The following SHC2 variants were observed in gnomAD, a reference collection of about 807,000 sequenced individuals.
SHC2 encodes the protein SHC adaptor protein 2.
In SHC2, 62 loss-of-function variants were observed where a neutral mutation model predicts 60.6. The ratio of observed to expected loss-of-function variants is 1.02; its 90% CI spans 0.83 to 1.26. The LOEUF (loss-of-function observed/expected upper bound fraction) is 1.26. Ranked by LOEUF, SHC2 falls within the 50% of genes most tolerant of loss-of-function variation. The pLI is 0.00. For missense variants in SHC2, 873 were observed against 822.2 expected (o/e 1.06, Z -0.76); for synonymous variants, 375 against 372.4 (o/e 1.01, Z -0.08).
intron 1 of SHC2, among the ~76,000 whole-genome samples, chr19:447,198 C>T (rs989802593): frequency 8.5e-5 from 13 of 152,062 alleles, no homozygotes; most frequent in East Asian, 3.9e-4. Context: ...ACCGTGAGGA[C>T]GCCGGACAGG....
chr19:458,063 G>A (rs1245759042), intron 1 of SHC2, among the ~76,000 whole-genome samples: 5 of 137,808 alleles, frequency 3.6e-5, no homozygotes, highest in South Asian at 2.2e-4. Flanking sequence ...GGGTCTTGGG[G>A]AGGCGGAAGC....
intron 12 of SHC2, among the ~76,000 whole-genome samples, chr19:417,803 C>T (rs1974186930): frequency 1.3e-5 from 2 of 152,146 alleles, no homozygotes; most frequent in African/African-American, 4.8e-5. Context: ...CCTCTGCCTG[C>T]AGCCCGAGGC....
rs1386481028 is a variant in SHC2, at chr19:453,914, C to A, written c.468+6615G>T. On this transcript the variant is annotated intron_variant, in intron 1 of 12. Coordinates refer to ENST00000264554, the MANE Select transcript of SHC2 (RefSeq NM_012435.3). This position sits in a 1 kb window ranked among gnomAD's most constrained non-coding sequence, Gnocchi z 6.3. ...GAGCAGGACGGCCTGACTCACGGGA[C>A]TTCTGTGTATGGACGAGCCCAGCGC... 2.0e-5 allele frequency among the ~76,000 whole-genome samples: 3 copies of A among 152,194 alleles called. No individual in the cohort carries two copies. The highest frequency in any genetic ancestry group is 1.3e-4 in the Admixed American group (2 of 15,274).
intron 1 of SHC2, among the ~76,000 whole-genome samples, chr19:458,820 TGGGGAGGCGGAAGAGGGTTCC>T (rs1224344091): frequency 9.4e-6 from 1 of 106,226 alleles, no homozygotes; most frequent in Non-Finnish European, 2.0e-5. Flanking sequence ...AAGCGGGTCT[TGGGGAGGCGGAAGAGGGTTCC>T]GGGGAGGCGG....
chr19:437,841 G>A (rs1004669179), intron 4 of SHC2, among the ~76,000 whole-genome samples: 2 of 151,756 alleles, frequency 1.3e-5, no homozygotes, highest in Admixed American at 1.3e-4. Flanking sequence ...CCACACCTGA[G>A]ATTCCCCTCC....
intron 1 of SHC2, among the ~76,000 whole-genome samples, chr19:449,177 AAAAT>A (rs1568296080): frequency 6.6e-6 from 1 of 151,510 alleles, no homozygotes; most frequent in Non-Finnish European, 1.5e-5. Context: ...CTAAAAAATT[AAAAT>A]AAATAAAATA....
Position 460,723 on chromosome 19 carries a change from G to T in SHC2, c.274C>A (p.Pro92Thr). The T allele has an allele frequency of 1.0e-6, 1 of 986,376 alleles. No individual in the cohort carries two copies. The highest frequency in any genetic ancestry group is 4.6e-5 in the South Asian group (1 of 21,910). 61.1% of individuals were successfully genotyped at this position (986,376 alleles called of 1,614,324 possible). ...CGACAGCGGCTGAGCGCGGGCAGGG[G>T]ACAGGGCGCGGCGCAGCGGGGCTCG... ...ACEPRCAAPC[P>T]LPALSRCRGA... Residue 92 changes from proline (P) to threonine (T), a missense_variant, in exon 1 of 13, where the codon CCC (proline) becomes ACC (threonine). Physicochemically the swap from Pro to Thr is conservative, Grantham distance 38. Transcript: ENST00000264554.
At position 424,384 on chromosome 19, in the gene SHC2, C is replaced by T. The variant is rs1377459857; in HGVS notation, c.1309+713G>A. 2.0e-5 allele frequency among the ~76,000 whole-genome samples: 3 copies of T among 151,946 alleles called. No individual in the cohort carries two copies. Among genetic ancestry groups the T allele is most frequent in the Admixed American group, 6.5e-5 (1 of 15,272 alleles). On this transcript the variant is annotated intron_variant, in intron 10 of 12. Transcript: ENST00000264554. The surrounding 1 kb of genome is among the most constrained non-coding windows in gnomAD (Gnocchi z 4.5). ...GGAAGCTGTGCCTCCCCCATCAGGCCGGGATTTCCGTAGGAAGAATCCTCA... is the reference window on the plus strand; with the variant it reads ...GGAAGCTGTGCCTCCCCCATCAGGCTGGGATTTCCGTAGGAAGAATCCTCA...
In SHC2 at chr19:438,830, T is replaced by C. The variant is rs140148508; in HGVS notation, c.608A>G (p.Asn203Ser). The change falls in exon 4 of 13, where the codon AAC becomes AGC. Residue 203 changes from asparagine (N) to serine (S), a missense_variant. Physicochemically the swap from Asn to Ser is conservative, Grantham distance 46. Coordinates refer to ENST00000264554, the MANE Select transcript of SHC2 (RefSeq NM_012435.3). The surrounding 1 kb of genome is among the most constrained non-coding windows in gnomAD (Gnocchi z 5.0). ...GCCCAGGACGGACGCCAGGGCCTTG[T>C]TGGGGGCCTGAGTTGGGGGCGGAGC... ...VRGSWKKKAP[N>S]KALASVLGKS... is the part of the protein sequence containing the mutation. The C allele has an allele frequency of 1.4e-3, 2,167 of 1,567,160 alleles. 25 individuals carry two copies. In the African/African-American group the frequency reaches 0.026, roughly 19 times the overall value.
At position 440,867 on chromosome 19, in the gene SHC2, C is replaced by T. The variant is rs753595159; in HGVS notation, c.534G>A (p.Val178=). The T allele has an allele frequency of 5.6e-6, 9 of 1,612,478 alleles. No individual in the cohort carries two copies. In the South Asian group the frequency reaches 9.9e-5, roughly 18 times the overall value. ...GGGCAGGGTTGGAGGCTCACCTGGT[C>T]ACCTGCGTGCGCGTGTTAAAGTCCA... ...RSLDFNTRTQ[V]TREAINRLHE... is the part of the protein sequence containing the mutation. The change falls in exon 2 of 13, where the codon GTG becomes GTA. Residue 178 remains valine, a synonymous_variant. Coordinates refer to ENST00000264554, the MANE Select transcript of SHC2 (RefSeq NM_012435.3). The surrounding 1 kb of genome is among the most constrained non-coding windows in gnomAD (Gnocchi z 7.0).
rs539645163 is a variant in SHC2 at position 440,004 on chromosome 19, C to T, written c.539+858G>A. Among the ~76,000 whole-genome samples the T allele has an allele frequency of 2.2e-5, 3 of 136,724 alleles. No homozygotes were observed. Among genetic ancestry groups the T allele is most frequent in the South Asian group, 2.4e-4 (1 of 4,254 alleles). 89.7% of individuals were successfully genotyped at this position (136,724 alleles called of 152,430 possible). A position where few individuals can be genotyped will look rare whatever the true frequency, so the allele number is the denominator to read the frequency against. ...CGGTGTCACTGCACTCCAGCCTGGG[C>T]AACAGAGTGAGACTCCATCTCAAAA... On this transcript the variant is annotated intron_variant, in intron 2 of 12. Coordinates refer to ENST00000264554, the MANE Select transcript of SHC2 (RefSeq NM_012435.3). This position sits in a 1 kb window ranked among gnomAD's most constrained non-coding sequence, Gnocchi z 7.0.
intron 8 of SHC2, among the ~76,000 whole-genome samples, 157 bp downstream of exon 8, chr19:434,551 AG>A (rs2145716249): frequency 0.17 from 3 of 18 alleles, no homozygotes; most frequent in Admixed American, 0.33. Flanking sequence ...TGAGTCTGTG[AG>A]TAAGTGAAAT....
At position 424,806 on chromosome 19, in the gene SHC2, G is replaced by A. The variant is rs74844727; in HGVS notation, c.1309+291C>T. Among the ~76,000 whole-genome samples, 5,794 of 152,196 alleles carry A rather than the reference G, an allele frequency of 0.038. 296 individuals carry two copies. The highest frequency in any genetic ancestry group is 0.22 in the East Asian group (1,122 of 5,144). On this transcript the variant is annotated intron_variant, in intron 10 of 12. Transcript: ENST00000264554. The surrounding 1 kb of genome is among the most constrained non-coding windows in gnomAD (Gnocchi z 4.5). ...GAGATGGGGTCCTGTAGGAGGGGCT[G>A]GGCCTCACCCATTACACTGCTCGGC...
At chr19:429,015 A>C (rs1259683796) in intron 9 of SHC2, among the ~76,000 whole-genome samples, 90 of 104,364 alleles carry the variant, frequency 8.6e-4, no homozygotes, top group African/African-American at 1.3e-3. Flanking sequence ...CCAACATGCA[A>C]AGAAACCTAA....
intron 8 of SHC2, 66 bp downstream of exon 8, chr19:434,643 A>T: frequency 2.7e-6 from 4 of 1,472,198 alleles, no homozygotes; most frequent in Non-Finnish European, 3.6e-6. Context: ...GAAGAGCTGG[A>T]GGTAGGTCCA....
At chr19:421,499 T>G (rs189782503) in intron 11 of SHC2, among the ~76,000 whole-genome samples, 97 of 151,900 alleles carry the variant, frequency 6.4e-4, no homozygotes, top group African/African-American at 2.3e-3. Flanking sequence ...TTCAGTAACT[T>G]GATCCCAAAA....
intron 11 of SHC2, chr19:419,620 G>C (rs1387667694): frequency 6.6e-6 from 1 of 152,334 alleles, no homozygotes; most frequent in Non-Finnish European, 1.5e-5. Context: ...GCCACACCTT[G>C]AGTTCGGACT....
Position 438,931 on chromosome 19 carries a change from G to GCC in SHC2, c.600+37_600+38dup. On this transcript the variant is annotated intron_variant, in intron 3 of 12. Coordinates refer to ENST00000264554, the MANE Select transcript of SHC2 (RefSeq NM_012435.3). This position sits in a 1 kb window ranked among gnomAD's most constrained non-coding sequence, Gnocchi z 5.0. ...CGCAGCGTCCCCACAGCCCCCGACT[G>GCC]CCCCACCAGCCCCACGAGAGACCAC... 8 of 1,569,176 alleles carry GCC rather than the reference G, an allele frequency of 5.1e-6. No individual in the cohort carries two copies. The highest frequency in any genetic ancestry group is 6.9e-6 in the Non-Finnish European group (8 of 1,154,830).
intron 1 of SHC2, among the ~76,000 whole-genome samples, chr19:444,570 G>C (rs967632613): frequency 6.6e-6 from 1 of 152,194 alleles, no homozygotes; most frequent in Non-Finnish European, 1.5e-5. Context: ...CAGCTCACGA[G>C]AGGAAATGCA....
Sources: allele counts gnomAD v4.1 joint callset (sites outside exome capture counted in the v4.1 genomes callset), GRCh38; gene constraint gnomAD v4.1.1; non-coding constraint Gnocchi (gnomAD v3.1); transcripts MANE v1.5; gene names NCBI Gene and HGNC (gene_info 2026-07-23, HGNC 2026-07-21).